Variants in LYST observed in about 807,000 individuals in gnomAD.
The protein encoded by LYST is lysosomal trafficking regulator, also known as lysosomal-trafficking regulator.
LYST carries 192 observed loss-of-function variants against 413.6 expected under a neutral mutation model. That is an observed-to-expected ratio of 0.46 (90% CI 0.41 to 0.52). The LOEUF (loss-of-function observed/expected upper bound fraction) is 0.52. LYST is among the 20% of genes least tolerant of loss of function. LYST has a pLI of 0.00. For missense variants in LYST, 3,815 were observed against 4,499.9 expected, an observed-to-expected ratio of 0.85 and a Z score of 4.35; for synonymous variants, 1,525 against 1,567.3, an observed-to-expected ratio of 0.97 and a Z score of 0.64.
chr1:235,681,334 A>T (rs1366009299), intron 48 of LYST, among the ~76,000 whole-genome samples: 1 of 152,112 alleles, frequency 6.6e-6, no homozygotes, highest in Non-Finnish European at 1.5e-5. Context: ...AGCAGGAAGA[A>T]ACGTGGTGGT....
intron 1 of LYST, chr1:235,839,862 A>T (rs2103041044): frequency 6.6e-6 from 1 of 152,072 alleles, no homozygotes; most frequent in South Asian, 2.1e-4. Context: ...ATAAATAAAT[A>T]AAATAAATCA....
At chr1:235,692,388 T>A (rs1660730816) in intron 47 of LYST, among the ~76,000 whole-genome samples, 1 of 147,280 alleles carries the variant, frequency 6.8e-6, no homozygotes, top group African/African-American at 2.5e-5. Flanking sequence ...AGTCTGACTC[T>A]TTTTTTTTTA....
Position 235,780,886 on chromosome 1 carries a change from A to G in LYST, c.5193T>C (p.Asp1731=). ...TTACAATTAAGAGACCAATATCCAC[A>G]TCTTTCTTGGTCATAAAAAGTTCTC... ...QIRELFMTKK[D]VDIGLLIESL... The change falls in exon 16 of 53, where the codon GAT becomes GAC. Residue 1731 remains aspartate, a synonymous_variant. Coordinates refer to ENST00000389793, the MANE Select transcript of LYST (RefSeq NM_000081.4). 1 of 1,531,152 alleles carries G rather than the reference A, an allele frequency of 6.5e-7. No homozygotes were observed. The highest frequency in any genetic ancestry group is 2.0e-4 in the Middle Eastern group (1 of 4,978). 94.8% of individuals were successfully genotyped at this position (1,531,152 alleles called of 1,614,324 possible).
chr1:235,665,240 T>C (rs1487577185), intron 50 of LYST, among the ~76,000 whole-genome samples: 1 of 152,138 alleles, frequency 6.6e-6, no homozygotes, highest in East Asian at 1.9e-4. Context: ...CCACCAAATA[T>C]GAGTTATGAT....
chr1:235,666,611 C>T (rs904385052), intron 50 of LYST, among the ~76,000 whole-genome samples: 3 of 146,640 alleles, frequency 2.0e-5, no homozygotes, highest in South Asian at 4.4e-4. Flanking sequence ...CACACATACA[C>T]ACACACACAC....
At chr1:235,862,102 C>T (rs1483143000) in intron 1 of LYST, among the ~76,000 whole-genome samples, 2 of 152,156 alleles carry the variant, frequency 1.3e-5, no homozygotes, top group Non-Finnish European at 2.9e-5. Flanking sequence ...TTTATCTGAC[C>T]TTCCAAGCAA....
At position 235,751,225 on chromosome 1, in the gene LYST, G is replaced by T. The variant is rs778308584; in HGVS notation, c.7765C>A (p.Arg2589=). 1 of 1,613,576 alleles carries T rather than the reference G, an allele frequency of 6.2e-7. No individual in the cohort carries two copies. Among genetic ancestry groups the T allele is most frequent in the Non-Finnish European group, 8.5e-7 (1 of 1,179,662 alleles). ...CAATACTCGCCAGCAATGCTTTTCC[G>T]CTTTTGAACTACTGCATGATGGGGA... The part of the protein sequence containing the change: ...SAPHHAVVQK[R]KSIAGPRKFP... Residue 2589 remains arginine (R), a synonymous_variant, in exon 28 of 53, where the codon CGG becomes AGG. Coordinates refer to ENST00000389793, the MANE Select transcript of LYST (RefSeq NM_000081.4).
chr1:235,817,109 A>T (rs961909596), intron 3 of LYST, among the ~76,000 whole-genome samples: 1 of 152,218 alleles, frequency 6.6e-6, no homozygotes, highest in Non-Finnish European at 1.5e-5. Flanking sequence ...GCCAACAAGC[A>T]TATGAAAAAA....
chr1:235,662,729 C>T lies in LYST; in HGVS notation c.*211G>A, dbSNP rs1470140470. 1.5e-5 allele frequency: 9 copies of T among 619,186 alleles called. No individual in the cohort carries two copies. The highest frequency in any genetic ancestry group is 2.3e-5 in the Non-Finnish European group (8 of 340,654). The allele number at this position is 619,186 out of a possible 1,614,324, so 38.4% of individuals were successfully genotyped here. A position where few individuals can be genotyped will look rare whatever the true frequency, so the allele number is the denominator to read the frequency against. On this transcript the variant is annotated 3_prime_UTR_variant, in exon 53 of 53. Coordinates refer to ENST00000389793, the MANE Select transcript of LYST (RefSeq NM_000081.4). The stretch of plus-strand genomic sequence containing the variant: ...ACTTGTTGGCTAGTGCATATTGACA[C>T]AATCTTCCAGATTATCACTAAAATA...
intron 40 of LYST, among the ~76,000 whole-genome samples, 156 bp downstream of exon 40, chr1:235,720,505 T>A (rs1663266881): frequency 6.6e-6 from 1 of 152,226 alleles, no homozygotes; most frequent in Admixed American, 6.5e-5. Context: ...AAAATCTTCA[T>A]AATTCACAAT....
chr1:235,755,172 G>A (rs957513669), intron 25 of LYST, among the ~76,000 whole-genome samples: 2 of 148,468 alleles, frequency 1.3e-5, no homozygotes, highest in Admixed American at 6.8e-5. Flanking sequence ...GGCAGATCAC[G>A]AGGTCAGGAG....
At chr1:235,848,555 C>CA (rs767396352) in intron 1 of LYST, among the ~76,000 whole-genome samples, 20 of 150,808 alleles carry the variant, frequency 1.3e-4, no homozygotes, top group Non-Finnish European at 2.1e-4. Flanking sequence ...TTGAAACAAA[C>CA]AAAAAAAATA....
chr1:235,804,651 T>C lies in LYST; in HGVS notation c.3408A>G (p.Glu1136=). 1 of 1,602,866 alleles carries C rather than the reference T, an allele frequency of 6.2e-7. No homozygotes were observed. The highest frequency in any genetic ancestry group is 8.5e-7 in the Non-Finnish European group (1 of 1,170,670). Residue 1136 remains glutamate (E), a synonymous_variant, in exon 7 of 53, where the codon GAA becomes GAG. Transcript: ENST00000389793. ...LELPNQNLSV[E]SILFEMRDHL... Reference sequence around the variant, plus strand: ...GGTCCCTCATTTCAAATAATATACTTTCCACAGACAAGTTCTAAGGTAAAA... The same window carrying C: ...GGTCCCTCATTTCAAATAATATACTCTCCACAGACAAGTTCTAAGGTAAAA...
At chr1:235,845,857 T>A (rs1677787264) in intron 1 of LYST, among the ~76,000 whole-genome samples, 1 of 152,026 alleles carries the variant, frequency 6.6e-6, no homozygotes, top group South Asian at 2.1e-4. Context: ...GCTGCTGAGC[T>A]CATACACACC....
chr1:235,787,396 T>A, intron 13 of LYST, 23 bp from the exon 14 acceptor site: 1 of 1,607,210 alleles, frequency 6.2e-7, no homozygotes, highest in Non-Finnish European at 8.5e-7. Context: ...AGAAAAGGCA[T>A]AGGCTGAAAA....
intron 3 of LYST, among the ~76,000 whole-genome samples, chr1:235,829,211 A>G (rs1265826461): frequency 6.6e-6 from 1 of 152,218 alleles, no homozygotes; most frequent in Non-Finnish European, 1.5e-5. Context: ...TCTCAAAAAA[A>G]ACCATAAACC....
In LYST at chr1:235,866,825, C is replaced by A. The variant is rs1680598038; in HGVS notation, c.-98+18G>T. ...GAACCTTCTGCCGGCAGCGTCGGCG[C>A]CCGGCGGCCGCCTTTACCTGGTTTG... On this transcript the variant is annotated intron_variant, in intron 1 of 52. Coordinates refer to ENST00000389793, the MANE Select transcript of LYST (RefSeq NM_000081.4). 1 of 152,786 alleles carries A rather than the reference C, an allele frequency of 6.5e-6. No individual in the cohort carries two copies. The highest frequency in any genetic ancestry group is 1.5e-5 in the Non-Finnish European group (1 of 67,980). The allele number at this position is 152,786 out of a possible 1,614,324, so 9.5% of individuals were successfully genotyped here.
intron 28 of LYST, chr1:235,747,134 A>ATTTTT: frequency 2.8e-6 from 1 of 353,304 alleles, no homozygotes; most frequent in South Asian, 2.2e-5. Context: ...CTCAGACTGA[A>ATTTTT]CAGAGAGGAG....
exon 1 of LYST, chr1:235,883,448 T>C (rs1017375464): frequency 1.3e-5 from 2 of 152,674 alleles, no homozygotes; most frequent in African/African-American, 4.8e-5. Flanking sequence ...TGTACTCTGA[T>C]GTCACCCGAG....
Sources: allele counts gnomAD v4.1 joint callset (sites outside exome capture counted in the v4.1 genomes callset), GRCh38; gene constraint gnomAD v4.1.1; transcripts MANE v1.5; gene names NCBI Gene and HGNC (gene_info 2026-07-23, HGNC 2026-07-21).